The following SCAPER variants were observed in gnomAD, a reference collection of about 807,000 sequenced individuals.
SCAPER encodes S-phase cyclin A associated protein in the ER.
A neutral mutation model predicts 182.2 loss-of-function variants in SCAPER; 98 were observed. The observed-to-expected ratio is 0.54, with a 90% CI of 0.46 to 0.64. The LOEUF (loss-of-function observed/expected upper bound fraction) is 0.64. Ranked by LOEUF, SCAPER falls within the 30% of genes least tolerant of loss-of-function variation. The pLI is 0.00. For synonymous variants in SCAPER, 605 were observed against 564.6 expected (o/e 1.07, Z -1.01); for missense variants, 1,432 against 1,690.0 (o/e 0.85, Z 2.68).
At chr15:76,745,857 AC>A (rs1430915388) in intron 15 of SCAPER, among the ~76,000 whole-genome samples, 1 of 152,228 alleles carries the variant, frequency 6.6e-6, no homozygotes, top group Non-Finnish European at 1.5e-5. Flanking sequence ...AGCCTTTGGA[AC>A]CAGAAAGATC....
At chr15:76,634,028 T>G (rs2053386340) in intron 21 of SCAPER, among the ~76,000 whole-genome samples, 1 of 152,232 alleles carries the variant, frequency 6.6e-6, no homozygotes, top group African/African-American at 2.4e-5. Flanking sequence ...AAAACTCCCG[T>G]GTCTCAGTGC....
At chr15:76,532,929 C>T (rs1204316952) in intron 23 of SCAPER, among the ~76,000 whole-genome samples, 1 of 152,150 alleles carries the variant, frequency 6.6e-6, no homozygotes, top group Non-Finnish European at 1.5e-5. Context: ...TAATTTAACA[C>T]TTATTTAGCC....
At chr15:76,543,798 T>C (rs974551719) in intron 23 of SCAPER, among the ~76,000 whole-genome samples, 1 of 152,174 alleles carries the variant, frequency 6.6e-6, no homozygotes, top group Non-Finnish European at 1.5e-5. Context: ...TTCTTAGATA[T>C]GACACCAAAA....
intron 22 of SCAPER, among the ~76,000 whole-genome samples, chr15:76,580,656 G>A (rs1450156084): frequency 6.6e-6 from 1 of 152,076 alleles, no homozygotes; most frequent in African/African-American, 2.4e-5. Flanking sequence ...ATCAGATACA[G>A]TGAAAGCAGT....
At chr15:76,769,803 T>A (rs1369060094) in intron 10 of SCAPER, among the ~76,000 whole-genome samples, 1 of 152,188 alleles carries the variant, frequency 6.6e-6, no homozygotes, top group Non-Finnish European at 1.5e-5. Flanking sequence ...TGGTGATTCC[T>A]TAAGGATCTA....
At chr15:76,715,698 G>C (rs1328950337) in intron 17 of SCAPER, among the ~76,000 whole-genome samples, 2 of 151,988 alleles carry the variant, frequency 1.3e-5, no homozygotes, top group Non-Finnish European at 2.9e-5. Flanking sequence ...GTTGGTTCTG[G>C]ATCCCAAATG....
chr15:76,423,293 C>T (rs566979903), intron 26 of SCAPER, among the ~76,000 whole-genome samples: 391 of 152,290 alleles, frequency 2.6e-3, no homozygotes, highest in African/African-American at 9.1e-3. Context: ...GCCTCAATTT[C>T]AGAGCCTGTT....
At position 76,765,344 on chromosome 15, in the gene SCAPER, G is replaced by A. The variant is rs773118328; in HGVS notation, c.1606C>T (p.Arg536Cys). 4 of 1,610,648 alleles carry A rather than the reference G, an allele frequency of 2.5e-6. No homozygotes were observed. The highest frequency in any genetic ancestry group is 4.5e-5 in the East Asian group (2 of 44,830). The change falls in exon 13 of 32, where the codon CGT becomes TGT. Residue 536 changes from arginine to cysteine, a missense_variant. This residue lies in a region of SCAPER where 128 missense variants were observed against 149.9 expected (regional missense o/e 0.85). Coordinates refer to ENST00000563290, the MANE Select transcript of SCAPER (RefSeq NM_020843.4). The part of the protein sequence containing the change: ...HMHEKLSSPS[R>C]KRTIAESKKK... ...AATTTTCAAATGCCAGACCTTTTAC[G>A]AGAGGGTGAAGAAAGTTTTTCATGC...
intron 25 of SCAPER, among the ~76,000 whole-genome samples, chr15:76,442,627 T>G (rs898334287): frequency 1.3e-5 from 2 of 152,208 alleles, no homozygotes; most frequent in South Asian, 2.1e-4. Flanking sequence ...CTTATACATA[T>G]TTATCCATTA....
chr15:76,507,274 G>T (rs1448948131), intron 23 of SCAPER, among the ~76,000 whole-genome samples: 1 of 152,196 alleles, frequency 6.6e-6, no homozygotes, highest in Non-Finnish European at 1.5e-5. Context: ...GACACAGCAA[G>T]TGGTGGCCAT....
At chr15:76,422,090 G>A (rs2046087106) in intron 26 of SCAPER, among the ~76,000 whole-genome samples, 1 of 152,188 alleles carries the variant, frequency 6.6e-6, no homozygotes, top group African/African-American at 2.4e-5. Flanking sequence ...GCTTAGGATT[G>A]TCTTGGCAAT....
chr15:76,791,649 T>C (rs2065014652), intron 8 of SCAPER, among the ~76,000 whole-genome samples: 1 of 150,966 alleles, frequency 6.6e-6, no homozygotes, highest in African/African-American at 2.4e-5. Flanking sequence ...GTCTGACAAC[T>C]GCTAAAAAAA....
intron 17 of SCAPER, among the ~76,000 whole-genome samples, chr15:76,726,890 G>A (rs1199611593): frequency 6.6e-6 from 1 of 151,846 alleles, no homozygotes; most frequent in Admixed American, 6.6e-5. Context: ...CTTCAGTCTC[G>A]GAAACTGAAA....
intron 8 of SCAPER, among the ~76,000 whole-genome samples, chr15:76,791,151 A>C (rs1217765992): frequency 6.6e-6 from 1 of 152,228 alleles, no homozygotes; most frequent in East Asian, 1.9e-4. Flanking sequence ...GATCAGCAAC[A>C]AACAGAATCA....
chr15:76,370,198 T>C (rs1208190955), intron 29 of SCAPER, among the ~76,000 whole-genome samples: 3 of 151,810 alleles, frequency 2.0e-5, no homozygotes, highest in South Asian at 2.1e-4. Context: ...CACAGACTCA[T>C]GGAACTCACA....
rs144150405 is a variant in SCAPER, at chr15:76,516,953, G to A, written c.2839-11979C>T. Among the ~76,000 whole-genome samples the A allele has an allele frequency of 4.9e-4, 74 of 152,236 alleles. 1 individual carries two copies. The East Asian group carries it at 0.013, about 27-fold the overall frequency. ...ATAAGTCCTCACAACAATCCTATGA[G>A]GTAGGATTCATTAGCCCCATTATAC... On this transcript the variant is annotated intron_variant, in intron 23 of 31. Transcript: ENST00000563290.
At chr15:76,575,403 T>C (rs1367128040) in intron 22 of SCAPER, among the ~76,000 whole-genome samples, 1 of 152,218 alleles carries the variant, frequency 6.6e-6, no homozygotes, top group African/African-American at 2.4e-5. Flanking sequence ...CTCTTTTGCT[T>C]TCATAAGATG....
At chr15:76,502,818 G>T (rs1208586553) in intron 24 of SCAPER, among the ~76,000 whole-genome samples, 4 of 152,188 alleles carry the variant, frequency 2.6e-5, no homozygotes, top group Admixed American at 1.3e-4. Flanking sequence ...CTGACCAGCT[G>T]CAGGGCACTG....
At chr15:76,820,226 A>G (rs1250553159) in intron 5 of SCAPER, among the ~76,000 whole-genome samples, 5 of 152,180 alleles carry the variant, frequency 3.3e-5, no homozygotes, top group Non-Finnish European at 2.9e-5. Context: ...TGACCCAGCC[A>G]TCCCATTACT....
Sources: gnomAD v4.1 joint callset for allele counts (sites outside exome capture counted in the v4.1 genomes callset) on GRCh38, gnomAD v4.1.1 for gene constraint, gnomAD v4.1.1 regional missense constraint, MANE v1.5 for transcripts, NCBI Gene and HGNC (gene_info 2026-07-23, HGNC 2026-07-21) for gene names.